Variants in PDE1C observed in about 807,000 individuals in gnomAD.
PDE1C encodes the protein phosphodiesterase 1C.
In PDE1C, 62 loss-of-function variants were observed where a neutral mutation model predicts 93.1. That is an observed-to-expected ratio of 0.67 (90% CI 0.54 to 0.82). The LOEUF (loss-of-function observed/expected upper bound fraction) is 0.82, where lower values mean the gene tolerates loss of function less well. Ranked by LOEUF, PDE1C falls within the 40% of genes least tolerant of loss-of-function variation. PDE1C has a pLI of 0.00. For synonymous variants in PDE1C, 325 were observed against 310.1 expected, an observed-to-expected ratio of 1.05 and a Z score of -0.50; for missense variants, 742 against 884.6, an observed-to-expected ratio of 0.84 and a Z score of 2.04.
intron 3 of PDE1C, among the ~76,000 whole-genome samples, chr7:32,152,015 T>C (rs1801290696): frequency 6.6e-6 from 1 of 152,230 alleles, no homozygotes; most frequent in East Asian, 1.9e-4. Context: ...TGCAGAATCA[T>C]TGATTTACTT....
At chr7:31,878,913 A>G (rs1035633307) in intron 4 of PDE1C, 83 bp downstream of exon 4, 6 of 1,352,266 alleles carry the variant, frequency 4.4e-6, no homozygotes, top group Admixed American at 1.9e-5. Context: ...TAGGAAAACT[A>G]CATTAAAGCA....
the PDE1C span, among the ~76,000 whole-genome samples, chr7:31,708,924 T>A: frequency 6.6e-6 from 1 of 152,158 alleles, no homozygotes; most frequent in African/African-American, 2.4e-5. Context: ...GCCACAGCTT[T>A]GGGTAGAGGG....
At chr7:31,628,025 A>G in the PDE1C span, among the ~76,000 whole-genome samples, 1 of 152,200 alleles carries the variant, frequency 6.6e-6, no homozygotes, top group African/African-American at 2.4e-5. Flanking sequence ...GGTTAATAAG[A>G]GCAGAAAGTC....
chr7:31,882,935 A>T (rs1039674241), intron 2 of PDE1C, among the ~76,000 whole-genome samples: 2 of 152,244 alleles, frequency 1.3e-5, no homozygotes, highest in Admixed American at 1.3e-4. Context: ...AAAAGGGATC[A>T]AATACAATTT....
At chr7:31,958,271 G>T (rs1277946276) in intron 2 of PDE1C, among the ~76,000 whole-genome samples, 1 of 152,074 alleles carries the variant, frequency 6.6e-6, no homozygotes, top group Non-Finnish European at 1.5e-5. Context: ...ACCCATAATG[G>T]TCTTCTTTAA....
At chr7:31,711,747 C>A in the PDE1C span, among the ~76,000 whole-genome samples, 1 of 152,186 alleles carries the variant, frequency 6.6e-6, no homozygotes. Context: ...ACTCCATCCT[C>A]CATATTATCC....
rs148627563 is a variant in PDE1C, at chr7:32,172,236, C to G, written c.137-2280G>C. On this transcript the variant is annotated intron_variant, in intron 2 of 18. Coordinates refer to the PDE1C transcript ENST00000396193. Reference sequence around the variant, plus strand: ...TTTTGTCTTTGCACAAAGACACTGTCAGGTTGAGTGAACAGGCAACCTATA... The same window carrying G: ...TTTTGTCTTTGCACAAAGACACTGTGAGGTTGAGTGAACAGGCAACCTATA... 5.9e-3 allele frequency among the ~76,000 whole-genome samples: 899 copies of G among 152,068 alleles called. 11 individuals carry two copies. The highest frequency in any genetic ancestry group is 0.02 in the African/African-American group (849 of 41,494).
At chr7:32,086,338 C>T (rs1797071403) in intron 3 of PDE1C, among the ~76,000 whole-genome samples, 1 of 152,072 alleles carries the variant, frequency 6.6e-6, no homozygotes, top group African/African-American at 2.4e-5. Flanking sequence ...CAAACCACTG[C>T]TCAATGAAAT....
At chr7:32,287,952 C>T (rs868230720) in intron 1 of PDE1C, among the ~76,000 whole-genome samples, 1 of 152,134 alleles carries the variant, frequency 6.6e-6, no homozygotes, top group Non-Finnish European at 1.5e-5. Flanking sequence ...CCTGTAATCC[C>T]AACACTTTAG....
intron 1 of PDE1C, among the ~76,000 whole-genome samples, chr7:32,320,267 G>C (rs1222025882): frequency 1.3e-5 from 2 of 152,014 alleles, no homozygotes; most frequent in South Asian, 2.1e-4. Context: ...AAATATCAAG[G>C]GTTTTCTATC....
intron 2 of PDE1C, among the ~76,000 whole-genome samples, chr7:31,918,742 G>C (rs867404306): frequency 6.6e-6 from 1 of 151,960 alleles, no homozygotes; most frequent in African/African-American, 2.4e-5. Context: ...TTTTGTTCTT[G>C]TGCATTTATA....
At chr7:31,770,630 G>T (rs1025966285) in intron 17 of PDE1C, among the ~76,000 whole-genome samples, 2 of 152,054 alleles carry the variant, frequency 1.3e-5, no homozygotes, top group Non-Finnish European at 2.9e-5. Context: ...TCCTGCCTCA[G>T]CCTCCCAAGT....
chr7:31,680,558 A>C, the PDE1C span, among the ~76,000 whole-genome samples: 1 of 152,192 alleles, frequency 6.6e-6, no homozygotes, highest in Non-Finnish European at 1.5e-5. Flanking sequence ...CATATACCTC[A>C]TGGGGTTGTG....
chr7:32,384,905 A>G (rs170015), intron 1 of PDE1C, among the ~76,000 whole-genome samples: 122,490 of 152,102 alleles, frequency 0.81, 50,512 homozygotes, highest in East Asian at 0.97. Context: ...CTGGTACATG[A>G]ACCACACTTT....
intron 2 of PDE1C, among the ~76,000 whole-genome samples, chr7:31,996,415 C>T (rs1399212832): frequency 1.3e-5 from 2 of 152,184 alleles, no homozygotes; most frequent in Non-Finnish European, 2.9e-5. Context: ...AAATGCCTCT[C>T]TTAAAACTGC....
chr7:32,181,908 C>T (rs1803464756), intron 2 of PDE1C, among the ~76,000 whole-genome samples: 2 of 151,850 alleles, frequency 1.3e-5, no homozygotes, highest in African/African-American at 2.4e-5. Context: ...GCTAGCAAGA[C>T]TAATAAAGAA....
chr7:31,823,176 C>T lies in PDE1C; in HGVS notation c.1479G>A (p.Pro493=), dbSNP rs777008870. The T allele has an allele frequency of 3.0e-5, 48 of 1,613,176 alleles. No homozygotes were observed. Among genetic ancestry groups the T allele is most frequent in the Non-Finnish European group, 4.0e-5 (47 of 1,179,522 alleles). ...CAACGGAGATGACAGAATTGTTGAT[C>T]GGGGCACTTCCCTCTGAACCAGAGG... ...VKTSGSEGSA[P]INNSVISVDY... is the part of the protein sequence containing the mutation. Residue 493 remains proline, a synonymous_variant, in exon 14 of 18, where the codon CCG becomes CCA. Coordinates refer to ENST00000396191, the MANE Select transcript of PDE1C (RefSeq NM_001191057.4).
chr7:32,068,979 G>T (rs865928305), intron 1 of PDE1C, among the ~76,000 whole-genome samples: 1 of 152,150 alleles, frequency 6.6e-6, no homozygotes, highest in Non-Finnish European at 1.5e-5. Context: ...CTGCGTTGCA[G>T]GCATCTAAAC....
At chr7:32,309,580 G>T (rs896908522) in intron 1 of PDE1C, among the ~76,000 whole-genome samples, 12 of 152,230 alleles carry the variant, frequency 7.9e-5, no homozygotes, top group African/African-American at 2.7e-4. Flanking sequence ...CCAGAAGGGA[G>T]TGGGGGCCAA....
Sources: allele counts gnomAD v4.1 joint callset (sites outside exome capture counted in the v4.1 genomes callset), GRCh38; gene constraint gnomAD v4.1.1; transcripts MANE v1.5; gene names NCBI Gene and HGNC (gene_info 2026-07-23, HGNC 2026-07-21).